The following ATP13A5 variants were observed in gnomAD, a reference collection of about 807,000 sequenced individuals.
The protein encoded by ATP13A5 is probable cation-transporting ATPase 13A5.
A neutral mutation model predicts 150.2 loss-of-function variants in ATP13A5; 149 were observed. The observed-to-expected ratio is 0.99, with a 90% CI of 0.87 to 1.14. ATP13A5 has a LOEUF of 1.14. Among genes scored for constraint, ATP13A5 ranks in the 50% most tolerant of loss-of-function variants. The pLI, the probability that ATP13A5 is intolerant of heterozygous loss-of-function variation, is 0.00. For missense variants in ATP13A5, 1,383 were observed against 1,449.3 expected, an observed-to-expected ratio of 0.95 and a Z score of 0.74; for synonymous variants, 497 against 522.2, an observed-to-expected ratio of 0.95 and a Z score of 0.66.
At chr3:193,333,158 A>AACACACACACACAAACACACAC (rs1711703026) in intron 11 of ATP13A5, among the ~76,000 whole-genome samples, 1 of 143,650 alleles carries the variant, frequency 7.0e-6, no homozygotes, top group Non-Finnish European at 1.5e-5. Flanking sequence ...CACACACACA[A>AACACACACACACAAACACACAC]ACACACACAC....
chr3:193,335,312 C>G (rs77250318), intron 9 of ATP13A5, among the ~76,000 whole-genome samples: 7,309 of 152,226 alleles, frequency 0.048, 509 homozygotes, highest in African/African-American at 0.15. Flanking sequence ...GCCTATCTAT[C>G]CTATACCTGG....
chr3:193,275,877 A>AT (rs927659362), intron 29 of ATP13A5, among the ~76,000 whole-genome samples: 9 of 152,178 alleles, frequency 5.9e-5, no homozygotes, highest in African/African-American at 2.2e-4. Context: ...GCCTTTAAAA[A>AT]TTTTTATTTT....
intron 27 of ATP13A5, among the ~76,000 whole-genome samples, chr3:193,282,117 C>A (rs1400481362): frequency 6.6e-6 from 1 of 151,896 alleles, no homozygotes; most frequent in Non-Finnish European, 1.5e-5. Context: ...ATTGCTTGAT[C>A]CCGGGAGGTG....
chr3:193,377,858 G>T (rs941968042), intron 1 of ATP13A5, among the ~76,000 whole-genome samples: 2 of 152,240 alleles, frequency 1.3e-5, no homozygotes, highest in Non-Finnish European at 1.5e-5. Flanking sequence ...AACAGCACAG[G>T]ATGTGGAGAA....
chr3:193,354,158 ATT>A lies in ATP13A5; in HGVS notation c.573_574del (p.Glu191AspfsTer10). ...AACAAGCAGCTTCCATATGGGTTGG[ATT>A]TCAACCTCAATGGCGTTGGGCCCAC... On this transcript the variant is annotated frameshift_variant, in exon 6 of 30. Coordinates refer to ENST00000342358, the MANE Select transcript of ATP13A5 (RefSeq NM_198505.4). LOFTEE classifies it high-confidence loss of function. The A allele has an allele frequency of 2.5e-6, 4 of 1,611,926 alleles. No individual in the cohort carries two copies. Among genetic ancestry groups the A allele is most frequent in the Non-Finnish European group, 3.4e-6 (4 of 1,179,500 alleles).
Position 193,274,951 on chromosome 3 carries a change from A to C in ATP13A5, c.*91T>G. On this transcript the variant is annotated 3_prime_UTR_variant, in exon 30 of 30. Coordinates refer to ENST00000342358, the MANE Select transcript of ATP13A5 (RefSeq NM_198505.4). Reference sequence around the variant, plus strand: ...TTTGAATGCTTGAATGGAGAGAGGAAAGGTAAGGGGAGAGTATCATCACTT... The same window carrying C: ...TTTGAATGCTTGAATGGAGAGAGGACAGGTAAGGGGAGAGTATCATCACTT... 1.3e-6 allele frequency: 2 copies of C among 1,508,210 alleles called. No homozygotes were observed. Among genetic ancestry groups the C allele is most frequent in the Non-Finnish European group, 1.8e-6 (2 of 1,112,722 alleles). The allele number at this position is 1,508,210 out of a possible 1,614,324, so 93.4% of individuals were successfully genotyped here. A position where few individuals can be genotyped will look rare whatever the true frequency, so the allele number is the denominator to read the frequency against.
At chr3:193,311,777 T>G (rs1718858777) in intron 20 of ATP13A5, 39 bp downstream of exon 20, 1 of 1,610,042 alleles carries the variant, frequency 6.2e-7, no homozygotes, top group African/African-American at 1.3e-5. Context: ...CTCGCTGATT[T>G]GAGGAGCAAA....
In ATP13A5 at chr3:193,278,592, G is replaced by T. The variant is rs1279741537; in HGVS notation, c.3315+774C>A. 2.6e-5 allele frequency among the ~76,000 whole-genome samples: 4 copies of T among 152,076 alleles called. No homozygotes were observed. In the East Asian group the frequency reaches 5.8e-4, roughly 22 times the overall value. On this transcript the variant is annotated intron_variant, in intron 28 of 29. Coordinates refer to ENST00000342358, the MANE Select transcript of ATP13A5 (RefSeq NM_198505.4). ...CTGCGTCTTAGGCTGTTCTTATTGGGAATATCCCTACCTCCTACCTGGCAA... is the reference window on the plus strand; with the variant it reads ...CTGCGTCTTAGGCTGTTCTTATTGGTAATATCCCTACCTCCTACCTGGCAA...
At chr3:193,363,126 G>T in intron 3 of ATP13A5, 110 bp downstream of exon 3, 1 of 1,294,256 alleles carries the variant, frequency 7.7e-7, no homozygotes. Context: ...TTGATACATA[G>T]CTGTCATTCC....
intron 26 of ATP13A5, among the ~76,000 whole-genome samples, chr3:193,286,011 G>A (rs1435343030): frequency 1.3e-5 from 2 of 152,000 alleles, no homozygotes; most frequent in Non-Finnish European, 2.9e-5. Flanking sequence ...TTTGGTTTTA[G>A]TTAGATTTAC....
intron 1 of ATP13A5, among the ~76,000 whole-genome samples, chr3:193,369,007 G>A (rs1456089359): frequency 1.3e-5 from 2 of 152,214 alleles, no homozygotes; most frequent in Non-Finnish European, 2.9e-5. Flanking sequence ...GCTTTGGGAA[G>A]CTGAGGCTGG....
chr3:193,335,025 C>T lies in ATP13A5; in HGVS notation c.1018G>A (p.Glu340Lys), dbSNP rs546798071. ...AAAAGGACGTGTTTCCTATAATCCT[C>T]CAAACTGTGACATTTCCAAGGCATA... ...NTMPWKCHSL[E>K]DYRKHVLFCG... is the part of the protein sequence containing the mutation. The change falls in exon 10 of 30, where the codon GAG becomes AAG. Residue 340 changes from glutamate (E) to lysine (K), a missense_variant. Glu to Lys is a moderately conservative substitution (Grantham distance 56). Transcript: ENST00000342358. The T allele has an allele frequency of 1.9e-6, 3 of 1,613,956 alleles. No individual in the cohort carries two copies. In the East Asian group the frequency reaches 6.7e-5, roughly 36 times the overall value.
intron 27 of ATP13A5, among the ~76,000 whole-genome samples, chr3:193,280,779 G>C (rs1018561416): frequency 1.3e-5 from 2 of 152,090 alleles, no homozygotes; most frequent in Non-Finnish European, 2.9e-5. Flanking sequence ...AATCAGCATT[G>C]CCATGATACA....
intron 25 of ATP13A5, among the ~76,000 whole-genome samples, chr3:193,295,991 C>T (rs924340135): frequency 1.6e-4 from 24 of 152,122 alleles, no homozygotes; most frequent in African/African-American, 5.5e-4. Flanking sequence ...CACTCCCCTT[C>T]ATGGTAATAG....
At chr3:193,276,410 T>C (rs538893790) in intron 29 of ATP13A5, among the ~76,000 whole-genome samples, 1 of 152,316 alleles carries the variant, frequency 6.6e-6, no homozygotes, top group East Asian at 1.9e-4. Flanking sequence ...AAAAAGTCTC[T>C]TTGGGTTTTA....
intron 1 of ATP13A5, among the ~76,000 whole-genome samples, chr3:193,373,080 T>G (rs1452786703): frequency 6.6e-6 from 1 of 152,220 alleles, no homozygotes; most frequent in Non-Finnish European, 1.5e-5. Context: ...ACCTTGTGTA[T>G]GTAAGATACA....
chr3:193,352,028 G>GA (rs1443678538), intron 6 of ATP13A5, among the ~76,000 whole-genome samples: 3 of 152,166 alleles, frequency 2.0e-5, no homozygotes, highest in Non-Finnish European at 2.9e-5. Flanking sequence ...GCAAAGCAAG[G>GA]ATTATTTTTC....
intron 5 of ATP13A5, among the ~76,000 whole-genome samples, chr3:193,356,578 TA>T (rs201611183): frequency 2.1e-4 from 31 of 149,070 alleles, no homozygotes; most frequent in Admixed American, 4.0e-4. Flanking sequence ...GACTCTAATT[TA>T]AAAAAAAAAT....
chr3:193,277,047 G>C (rs116667750), intron 28 of ATP13A5, among the ~76,000 whole-genome samples: 71 of 152,258 alleles, frequency 4.7e-4, no homozygotes, highest in African/African-American at 1.6e-3. Context: ...CTTGGCCTGT[G>C]TACCTTTGAC....
Sources: allele counts gnomAD v4.1 joint callset (sites outside exome capture counted in the v4.1 genomes callset), GRCh38; gene constraint gnomAD v4.1.1; transcripts MANE v1.5; gene names NCBI Gene and HGNC (gene_info 2026-07-23, HGNC 2026-07-21).